MBP: variants seen among roughly 807,000 people sequenced by gnomAD.
MBP encodes the protein Golli-MBP.
MBP carries 16 observed loss-of-function variants against 35.8 expected under a neutral mutation model. That is an observed-to-expected ratio of 0.45 (90% CI 0.30 to 0.68). The LOEUF is 0.68. Ranked by LOEUF, MBP falls within the 30% of genes least tolerant of loss-of-function variation. MBP has a pLI of 0.08. For missense variants in MBP, 380 were observed against 404.7 expected (o/e 0.94, Z 0.52); for synonymous variants, 143 against 159.6 (o/e 0.90, Z 0.78).
intron 4 of MBP, among the ~76,000 whole-genome samples, chr18:77,001,367 G>GC (rs1970624402): frequency 6.6e-6 from 1 of 151,880 alleles, no homozygotes; most frequent in Non-Finnish European, 1.5e-5. Context: ...GATCGGCCCA[G>GC]CGTAGCCTGA....
intron 3 of MBP, 124 bp from the exon 4 acceptor site, chr18:77,017,392 C>T: frequency 8.2e-6 from 7 of 853,976 alleles, no homozygotes; most frequent in Non-Finnish European, 1.1e-5. Flanking sequence ...GTGCAGTCCT[C>T]ATAAAGCCCT....
chr18:77,129,465 A>G (rs1289147955), intron 1 of MBP, among the ~76,000 whole-genome samples: 1 of 152,210 alleles, frequency 6.6e-6, no homozygotes, highest in Non-Finnish European at 1.5e-5. Context: ...CCACCTCTGC[A>G]TAAGCCATTC....
intron 2 of MBP, among the ~76,000 whole-genome samples, chr18:77,091,370 T>C (rs1975514204): frequency 3.3e-5 from 5 of 152,216 alleles, no homozygotes; most frequent in Admixed American, 3.3e-4. Flanking sequence ...GTTTTCCAAG[T>C]ATCAAAGGCT....
chr18:77,070,978 C>T (rs554697037), intron 2 of MBP, among the ~76,000 whole-genome samples: 6 of 152,276 alleles, frequency 3.9e-5, no homozygotes, highest in South Asian at 2.1e-4. Context: ...TATTCATGTA[C>T]GTGCACACAT....
chr18:77,043,436 TG>T (rs34098362), intron 3 of MBP, among the ~76,000 whole-genome samples: 7,356 of 152,244 alleles, frequency 0.048, 635 homozygotes, highest in African/African-American at 0.17. Flanking sequence ...CAGAGATTCC[TG>T]TAAGTCTTGG....
intron 1 of MBP, among the ~76,000 whole-genome samples, chr18:77,129,074 G>T (rs73970923): frequency 0.014 from 2,063 of 152,258 alleles, 26 homozygotes; most frequent in Middle Eastern, 0.031. Context: ...GTCCATCTGG[G>T]TTTTCTCATT....
At chr18:77,031,628 A>G (rs181083923) in intron 3 of MBP, among the ~76,000 whole-genome samples, 2 of 152,378 alleles carry the variant, frequency 1.3e-5, no homozygotes, top group African/African-American at 4.8e-5. Context: ...GTGTGCTGAC[A>G]TATCTAATAG....
At chr18:77,038,612 C>T (rs149624186) in intron 3 of MBP, among the ~76,000 whole-genome samples, 62 of 152,326 alleles carry the variant, frequency 4.1e-4, no homozygotes, top group African/African-American at 7.7e-4. Flanking sequence ...TTTCCAGCAC[C>T]TAACCCAGGG....
intron 1 of MBP, among the ~76,000 whole-genome samples, chr18:77,121,554 G>C (rs552053877): frequency 7.6e-4 from 115 of 152,292 alleles, no homozygotes; most frequent in African/African-American, 2.7e-3. Context: ...TGAATAAGGT[G>C]AGCTTCTAAC....
rs1044366005 is a variant in MBP, at chr18:76,988,714, G to A, written c.717+163C>T. The A allele has an allele frequency of 3.1e-5, 42 of 1,333,620 alleles. 1 individual carries two copies. In the South Asian group the frequency reaches 4.8e-4, roughly 15 times the overall value. 82.6% of individuals were successfully genotyped at this position (1,333,620 alleles called of 1,614,324 possible). On this transcript the variant is annotated intron_variant, in intron 6 of 8. Coordinates refer to ENST00000355994, the MANE Select transcript of MBP (RefSeq NM_001025101.2). This position sits in a 1 kb window ranked among gnomAD's most constrained non-coding sequence, Gnocchi z 5.2. ...TGCAGGTGCGGGAGGGACAGGAGGG[G>A]TGCATGGATCTGCCGACCTGTTCTA...
Position 77,039,741 on chromosome 18 carries a change from A to G in MBP, c.140-22473T>C, listed in dbSNP as rs988153381. On this transcript the variant is annotated intron_variant, in intron 3 of 8. Transcript: ENST00000355994. ...AGACAAAAACATTCTGAAATCAGGTAGGAGCTGTGAATCAAGTGGTAGGAA... is the reference window on the plus strand; with the variant it reads ...AGACAAAAACATTCTGAAATCAGGTGGGAGCTGTGAATCAAGTGGTAGGAA... Among the ~76,000 whole-genome samples the G allele has an allele frequency of 2.1e-4, 32 of 152,344 alleles. 1 individual carries two copies. Among genetic ancestry groups the G allele is most frequent in the Non-Finnish European group, 7.3e-5 (5 of 68,034 alleles).
chr18:77,082,045 G>A (rs552961210), intron 2 of MBP, among the ~76,000 whole-genome samples: 1 of 151,056 alleles, frequency 6.6e-6, no homozygotes, highest in Non-Finnish European at 1.5e-5. Flanking sequence ...GTAGAGACGG[G>A]GTTTCACTGT....
chr18:77,032,479 G>A (rs998435655), intron 3 of MBP, among the ~76,000 whole-genome samples: 2 of 127,076 alleles, frequency 1.6e-5, no homozygotes, highest in African/African-American at 4.9e-5. Flanking sequence ...CACCTCCCAC[G>A]GCAGGGAAGA....
chr18:77,025,705 C>CTCTTTTTTTTTTTT (rs1972186305), intron 3 of MBP, among the ~76,000 whole-genome samples: 1 of 108,830 alleles, frequency 9.2e-6, no homozygotes, highest in African/African-American at 4.1e-5. Context: ...TATTGAAATA[C>CTCTTTTTTTTTTTT]TTTTTTTTTT....
chr18:76,980,448 T>C lies in MBP; in HGVS notation c.894A>G (p.Gly298=). 6.2e-7 allele frequency: 1 copy of C among 1,613,734 alleles called. No homozygotes were observed. Among genetic ancestry groups the C allele is most frequent in the Non-Finnish European group, 8.5e-7 (1 of 1,179,786 alleles). The change falls in exon 9 of 9, where the codon GGA becomes GGG. Residue 298 remains glycine, a synonymous_variant. Coordinates refer to ENST00000355994, the MANE Select transcript of MBP (RefSeq NM_001025101.2). ...GTTTTCAGCGTCTAGCCATGGGTGA[T>C]CCAGAGCGACTATCTCTTCCTCCCT... The part of the protein sequence containing the change: ...FKLGGRDSRS[G]SPMARR
At chr18:76,994,035 C>T (rs942350243) in intron 4 of MBP, among the ~76,000 whole-genome samples, 11 of 152,198 alleles carry the variant, frequency 7.2e-5, no homozygotes, top group Admixed American at 3.9e-4. Context: ...CGTTCAGTGA[C>T]CAGTTGTATT....
At chr18:77,063,896 A>G (rs1599169291) in intron 3 of MBP, among the ~76,000 whole-genome samples, 2 of 149,858 alleles carry the variant, frequency 1.3e-5, no homozygotes. Context: ...ACCTATACAT[A>G]TGTGTGTGTG....
chr18:77,051,987 G>A (rs1194726371), intron 3 of MBP, among the ~76,000 whole-genome samples: 5 of 152,130 alleles, frequency 3.3e-5, no homozygotes, highest in African/African-American at 1.2e-4. Context: ...TGGAACAAGT[G>A]GGAAAAAAGG....
At chr18:77,098,130 A>C (rs1324894467) in intron 2 of MBP, among the ~76,000 whole-genome samples, 1 of 144,492 alleles carries the variant, frequency 6.9e-6, no homozygotes, top group African/African-American at 2.5e-5. Flanking sequence ...TCTCCTGATT[A>C]GACTGTGAGG....
Sources: allele counts gnomAD v4.1 joint callset (sites outside exome capture counted in the v4.1 genomes callset), GRCh38; gene constraint gnomAD v4.1.1; non-coding constraint Gnocchi (gnomAD v3.1); transcripts MANE v1.5; gene names NCBI Gene and HGNC (gene_info 2026-07-23, HGNC 2026-07-21).